PADI1: variants seen among roughly 807,000 people sequenced by gnomAD.
PADI1 encodes peptidyl arginine deiminase 1.
In PADI1, 65 loss-of-function variants were observed where a neutral mutation model predicts 74.8. The observed-to-expected ratio is 0.87, with a 90% CI of 0.71 to 1.07. The LOEUF (loss-of-function observed/expected upper bound fraction) is 1.07, where lower values mean the gene tolerates loss of function less well. PADI1 is among the 50% of genes least tolerant of loss of function. The probability of loss-of-function intolerance (pLI) is 0.00; values close to 1 mark genes in which losing one functional copy is unlikely to be tolerated. For synonymous variants in PADI1, 371 were observed against 336.2 expected, an observed-to-expected ratio of 1.10 and a Z score of -1.13; for missense variants, 943 against 854.0, an observed-to-expected ratio of 1.10 and a Z score of -1.30.
chr1:17,208,214 G>A (rs979467273), intron 1 of PADI1, among the ~76,000 whole-genome samples: 2 of 152,216 alleles, frequency 1.3e-5, no homozygotes, highest in South Asian at 4.1e-4. Flanking sequence ...GGAGATGGGT[G>A]TGTAGGGATG....
chr1:17,226,595 A>G (rs1343032370), intron 6 of PADI1, among the ~76,000 whole-genome samples: 1 of 152,206 alleles, frequency 6.6e-6, no homozygotes, highest in Non-Finnish European at 1.5e-5. Context: ...TGTCTTTCTC[A>G]TCAGAGTTTT....
At chr1:17,223,413 G>A (rs2072217141) in intron 2 of PADI1, 1 of 576,678 alleles carries the variant, frequency 1.7e-6, no homozygotes, top group East Asian at 2.9e-5. Flanking sequence ...CCTGCTCTGG[G>A]AACCAAGGTG....
intron 1 of PADI1, among the ~76,000 whole-genome samples, chr1:17,207,152 C>G (rs1350392641): frequency 6.6e-6 from 1 of 152,234 alleles, no homozygotes; most frequent in Non-Finnish European, 1.5e-5. Context: ...TGGCTCTACA[C>G]TGTGCTGCTA....
At position 17,230,188 on chromosome 1, in the gene PADI1, C is replaced by A; in HGVS notation, c.1033C>A (p.Arg345=). 1 of 1,614,022 alleles carries A rather than the reference C, an allele frequency of 6.2e-7. No individual in the cohort carries two copies. The highest frequency in any genetic ancestry group is 8.5e-7 in the Non-Finnish European group (1 of 1,179,932). The change falls in exon 9 of 16, where the codon CGA becomes AGA. Residue 345 remains arginine (R), a synonymous_variant. Coordinates refer to ENST00000375471, the MANE Select transcript of PADI1 (RefSeq NM_013358.3). ...GACCATCTGCCCTCAAGTTGAAAAT[C>A]GAAATGACCGCTGGATCCAGGTGGG... ...KLTICPQVEN[R]NDRWIQDEME... is the part of the protein sequence containing the mutation.
At chr1:17,229,316 C>T (rs1027478389) in intron 8 of PADI1, among the ~76,000 whole-genome samples, 1 of 152,210 alleles carries the variant, frequency 6.6e-6, no homozygotes, top group African/African-American at 2.4e-5. Context: ...TGGCTGCAGC[C>T]CCAGAACATC....
At chr1:17,227,479 CGTG>C (rs1355636868) in intron 6 of PADI1, among the ~76,000 whole-genome samples, 3 of 150,474 alleles carry the variant, frequency 2.0e-5, no homozygotes, top group Non-Finnish European at 4.4e-5. Context: ...TGCAGGGAGC[CGTG>C]TTCATGCCAC....
intron 11 of PADI1, among the ~76,000 whole-genome samples, chr1:17,234,374 G>A (rs1316372030): frequency 6.6e-6 from 1 of 152,196 alleles, no homozygotes; most frequent in Non-Finnish European, 1.5e-5. Context: ...TACAGAATCA[G>A]CATTACTGGG....
chr1:17,211,757 C>T (rs1488900831), intron 1 of PADI1, among the ~76,000 whole-genome samples: 2 of 152,206 alleles, frequency 1.3e-5, no homozygotes, highest in African/African-American at 4.8e-5. Flanking sequence ...GGAATCAGAC[C>T]CAGGCAGGGG....
At chr1:17,235,057 C>T (rs1346524255) in intron 11 of PADI1, among the ~76,000 whole-genome samples, 1 of 149,922 alleles carries the variant, frequency 6.7e-6, no homozygotes, top group Non-Finnish European at 1.5e-5. Flanking sequence ...GCAGAGGTTG[C>T]GCTGAGCTAA....
chr1:17,214,619 A>G (rs1197314464), intron 1 of PADI1, among the ~76,000 whole-genome samples: 1 of 152,132 alleles, frequency 6.6e-6, no homozygotes, highest in Non-Finnish European at 1.5e-5. Flanking sequence ...AAAGAGAAGC[A>G]TCTTGGAGAG....
chr1:17,217,603 C>A (rs1024317203), intron 1 of PADI1, among the ~76,000 whole-genome samples: 2 of 152,164 alleles, frequency 1.3e-5, no homozygotes, highest in African/African-American at 4.8e-5. Flanking sequence ...AAAACAAAGG[C>A]AGTAGTACTG....
chr1:17,229,084 T>C lies in PADI1; in HGVS notation c.929+33T>C, dbSNP rs370510276. 19 of 1,357,300 alleles carry C rather than the reference T, an allele frequency of 1.4e-5. No individual in the cohort carries two copies. In the African/African-American group the frequency reaches 2.4e-4, roughly 17 times the overall value. 84.1% of individuals were successfully genotyped at this position (1,357,300 alleles called of 1,614,324 possible). A position where few individuals can be genotyped will look rare whatever the true frequency, so the allele number is the denominator to read the frequency against. ...TCCCTCCCTCCAGCCCTCCCCCAAG[T>C]CTGGAGTGCAGAGGTAGGGACAGAA... On this transcript the variant is annotated intron_variant, in intron 8 of 15. Transcript: ENST00000375471.
intron 11 of PADI1, among the ~76,000 whole-genome samples, chr1:17,233,934 G>T (rs2072567620): frequency 6.6e-6 from 1 of 152,228 alleles, no homozygotes; most frequent in Non-Finnish European, 1.5e-5. Context: ...GGCCAGGCGA[G>T]AGGCATGTGC....
At chr1:17,207,829 T>G (rs2071722708) in intron 1 of PADI1, among the ~76,000 whole-genome samples, 1 of 152,196 alleles carries the variant, frequency 6.6e-6, no homozygotes, top group Non-Finnish European at 1.5e-5. Context: ...ACCTGGGTGT[T>G]GGTGGTGACT....
chr1:17,214,836 G>A (rs541499187), intron 1 of PADI1, among the ~76,000 whole-genome samples: 1 of 152,352 alleles, frequency 6.6e-6, no homozygotes, highest in East Asian at 1.9e-4. Flanking sequence ...CAGCCCCGGG[G>A]CAAGGGTTGG....
chr1:17,236,626 T>A (rs1367330623), intron 11 of PADI1, among the ~76,000 whole-genome samples: 1 of 151,986 alleles, frequency 6.6e-6, no homozygotes, highest in Non-Finnish European at 1.5e-5. Flanking sequence ...TGGTGGCACA[T>A]ACCTGTTGTC....
intron 1 of PADI1, among the ~76,000 whole-genome samples, chr1:17,221,325 T>C (rs1431770458): frequency 6.6e-6 from 1 of 152,086 alleles, no homozygotes; most frequent in East Asian, 1.9e-4. Context: ...CCTGCCCTTG[T>C]GGAGCTGACC....
At position 17,228,748 on chromosome 1, in the gene PADI1, C is replaced by A. The variant is rs753991032; in HGVS notation, c.776C>A (p.Ala259Asp). 4 of 1,614,188 alleles carry A rather than the reference C, an allele frequency of 2.5e-6. No individual in the cohort carries two copies. Among genetic ancestry groups the A allele is most frequent in the Non-Finnish European group, 3.4e-6 (4 of 1,180,034 alleles). ...GTGGAGGGGCTGACCTTCCCCGATG[C>A]CGATTTCCTAGGGCTGGTTTCCCTC... Reference protein sequence around the residue: ...FYVEGLTFPDADFLGLVSLSV... With the variant: ...FYVEGLTFPDDDFLGLVSLSV... The change falls in exon 7 of 16, where the codon GCC becomes GAC. Residue 259 changes from alanine to aspartate, a missense_variant. Transcript: ENST00000375471.
At chr1:17,227,327 C>T (rs2072345414) in intron 6 of PADI1, among the ~76,000 whole-genome samples, 1 of 151,426 alleles carries the variant, frequency 6.6e-6, no homozygotes, top group Non-Finnish European at 1.5e-5. Context: ...GCGGGAGGAT[C>T]ACTTGAGCCC....
Sources: gnomAD v4.1 joint callset for allele counts (sites outside exome capture counted in the v4.1 genomes callset) on GRCh38, gnomAD v4.1.1 for gene constraint, MANE v1.5 for transcripts, NCBI Gene and HGNC (gene_info 2026-07-23, HGNC 2026-07-21) for gene names.